Variants in GLDC observed in about 807,000 individuals in gnomAD.
The protein encoded by GLDC is glycine dehydrogenase (decarboxylating), mitochondrial.
Under a neutral mutation model 121.3 loss-of-function variants are expected in GLDC, and 104 were observed. The ratio of observed to expected loss-of-function variants is 0.86; its 90% CI spans 0.73 to 1.01. GLDC has a LOEUF of 1.01. GLDC is among the 50% of genes least tolerant of loss of function. The pLI, the probability that GLDC is intolerant of heterozygous loss-of-function variation, is 0.00. For missense variants in GLDC, 1,429 were observed against 1,306.6 expected (o/e 1.09, Z -1.44); for synonymous variants, 546 against 480.6 (o/e 1.14, Z -1.78).
At chr9:6,596,624 C>A (rs115265158) in intron 8 of GLDC, among the ~76,000 whole-genome samples, 2,570 of 152,158 alleles carry the variant, frequency 0.017, 68 homozygotes, top group African/African-American at 0.059. Flanking sequence ...ACTTAAAAGC[C>A]TCAAAAGCTA....
chr9:6,579,736 C>T (rs1043536787), intron 15 of GLDC, among the ~76,000 whole-genome samples: 3 of 152,160 alleles, frequency 2.0e-5, no homozygotes, highest in African/African-American at 7.2e-5. Context: ...GCTCTGAGAT[C>T]GAAGTTGTAT....
intron 3 of GLDC, among the ~76,000 whole-genome samples, chr9:6,613,411 G>C (rs1818901265): frequency 6.6e-6 from 1 of 152,060 alleles, no homozygotes; most frequent in Non-Finnish European, 1.5e-5. Flanking sequence ...AGGATCACTT[G>C]CACCAGGAGT....
chr9:6,609,779 T>C (rs1818812349), intron 4 of GLDC, among the ~76,000 whole-genome samples: 1 of 152,018 alleles, frequency 6.6e-6, no homozygotes, highest in Non-Finnish European at 1.5e-5. Flanking sequence ...GACCTCACCC[T>C]GTCCCCTGAA....
chr9:6,629,560 C>A (rs1186219737), intron 2 of GLDC, among the ~76,000 whole-genome samples: 2 of 151,972 alleles, frequency 1.3e-5, no homozygotes, highest in Non-Finnish European at 2.9e-5. Context: ...GGAAAAATGT[C>A]ATTAAAATGG....
chr9:6,595,218 A>G, intron 8 of GLDC, 99 bp from the exon 9 acceptor site: 2 of 826,008 alleles, frequency 2.4e-6, no homozygotes, highest in South Asian at 2.7e-5. Flanking sequence ...GACAGCGACA[A>G]AACAAAATGA....
At chr9:6,606,296 CGA>C (rs1414855044) in intron 5 of GLDC, 3 of 368,120 alleles carry the variant, frequency 8.1e-6, no homozygotes, top group Middle Eastern at 8.7e-4. Flanking sequence ...GACGACAGAG[CGA>C]GACTCCGTCT....
chr9:6,632,749 G>A (rs1296248538), intron 2 of GLDC, among the ~76,000 whole-genome samples: 2 of 152,126 alleles, frequency 1.3e-5, no homozygotes, highest in Non-Finnish European at 2.9e-5. Context: ...AATGTGGGTG[G>A]GGCTGCCCCA....
At chr9:6,576,209 A>G (rs1169928821) in intron 15 of GLDC, among the ~76,000 whole-genome samples, 1 of 152,142 alleles carries the variant, frequency 6.6e-6, no homozygotes, top group Non-Finnish European at 1.5e-5. Context: ...GCTATTTCCC[A>G]TTGTTCTAGA....
chr9:6,587,568 C>T (rs1423242034), intron 14 of GLDC, among the ~76,000 whole-genome samples: 1 of 152,178 alleles, frequency 6.6e-6, no homozygotes, highest in Non-Finnish European at 1.5e-5. Flanking sequence ...GATTTCTTTC[C>T]ATGAAACACA....
rs1817023691 is a variant in GLDC, at chr9:6,532,666, T to C, written c.*351A>G. On this transcript the variant is annotated 3_prime_UTR_variant, in exon 25 of 25. Coordinates refer to ENST00000321612, the MANE Select transcript of GLDC (RefSeq NM_000170.3). ...GATGGCACAGTCCACATGGACTCTT[T>C]TGGAACAAAAAAATGTCTATTAAGT... The C allele has an allele frequency of 3.2e-6, 1 of 311,304 alleles. No homozygotes were observed. The highest frequency in any genetic ancestry group is 6.2e-6 in the Non-Finnish European group (1 of 161,146). The allele number at this position is 311,304 out of a possible 1,614,324, so 19.3% of individuals were successfully genotyped here.
chr9:6,638,616 C>A (rs1311630586), intron 2 of GLDC, among the ~76,000 whole-genome samples: 1 of 152,052 alleles, frequency 6.6e-6, no homozygotes, highest in Non-Finnish European at 1.5e-5. Context: ...ATTTTACCCA[C>A]AGCTTTCATG....
chr9:6,591,541 C>T (rs989012849), intron 11 of GLDC, among the ~76,000 whole-genome samples: 1 of 152,160 alleles, frequency 6.6e-6, no homozygotes, highest in East Asian at 1.9e-4. Flanking sequence ...AATGACATAA[C>T]CAAGATACAA....
At chr9:6,633,452 TGC>T (rs1266203943) in intron 2 of GLDC, among the ~76,000 whole-genome samples, 5 of 152,218 alleles carry the variant, frequency 3.3e-5, no homozygotes, top group Admixed American at 2.6e-4. Context: ...CTTTTCCAAA[TGC>T]ATGTTCCACG....
At chr9:6,570,923 A>T (rs1033628286) in intron 15 of GLDC, among the ~76,000 whole-genome samples, 8 of 151,910 alleles carry the variant, frequency 5.3e-5, no homozygotes, top group African/African-American at 1.9e-4. Context: ...ATTTAAAATG[A>T]TACCTTTTCA....
At chr9:6,598,245 G>A (rs1472000778) in intron 8 of GLDC, among the ~76,000 whole-genome samples, 1 of 152,064 alleles carries the variant, frequency 6.6e-6, no homozygotes, top group Non-Finnish European at 1.5e-5. Flanking sequence ...TGCCTGGGAT[G>A]GATTTAAACT....
chr9:6,558,444 T>G, intron 17 of GLDC, 115 bp downstream of exon 17: 1 of 1,228,378 alleles, frequency 8.1e-7, no homozygotes, highest in Non-Finnish European at 1.2e-6. Context: ...AAGGAAGAAC[T>G]GCAGACTTTT....
intron 15 of GLDC, among the ~76,000 whole-genome samples, chr9:6,584,273 C>G (rs1183456356): frequency 2.0e-5 from 3 of 152,158 alleles, no homozygotes; most frequent in African/African-American, 4.8e-5. Flanking sequence ...GTGACTGCAC[C>G]TGCTATTTTG....
intron 20 of GLDC, among the ~76,000 whole-genome samples, chr9:6,553,142 C>G (rs530853791): frequency 6.6e-6 from 1 of 152,150 alleles, no homozygotes; most frequent in Non-Finnish European, 1.5e-5. Context: ...GTTAAACCCA[C>G]TCTGAGAACC....
chr9:6,589,584 C>A (rs1451673220), intron 11 of GLDC, among the ~76,000 whole-genome samples: 2 of 151,788 alleles, frequency 1.3e-5, no homozygotes, highest in Non-Finnish European at 2.9e-5. Flanking sequence ...CATGCCACCA[C>A]ACCTGGCTGA....
Sources: allele counts gnomAD v4.1 joint callset (sites outside exome capture counted in the v4.1 genomes callset), GRCh38; gene constraint gnomAD v4.1.1; transcripts MANE v1.5; gene names NCBI Gene and HGNC (gene_info 2026-07-23, HGNC 2026-07-21).